The following ST18 variants were observed in gnomAD, a reference collection of about 807,000 sequenced individuals.
The protein encoded by ST18 is suppression of tumorigenicity 18 protein.
Under a neutral mutation model 110.0 loss-of-function variants are expected in ST18, and 50 were observed. The ratio of observed to expected loss-of-function variants is 0.45; its 90% confidence interval spans 0.36 to 0.58. The LOEUF is 0.58. Ranked by LOEUF, ST18 falls within the 20% of genes least tolerant of loss-of-function variation. ST18 has a pLI of 0.00. For synonymous variants in ST18, 461 were observed against 452.4 expected (o/e 1.02, Z -0.24); for missense variants, 1,306 against 1,280.1 (o/e 1.02, Z -0.31).
intron 2 of ST18, among the ~76,000 whole-genome samples, chr8:52,345,626 T>C (rs1394170838): frequency 2.0e-5 from 3 of 152,150 alleles, no homozygotes; most frequent in African/African-American, 7.2e-5. Flanking sequence ...ACCACGCCTA[T>C]AGAGGATGTG....
At chr8:52,338,920 G>A (rs909252246) in intron 2 of ST18, among the ~76,000 whole-genome samples, 31 of 151,222 alleles carry the variant, frequency 2.0e-4, no homozygotes, top group African/African-American at 7.5e-4. Flanking sequence ...AAATTTTTTT[G>A]TGCTGGGGGA....
chr8:52,298,898 T>C (rs2095673366), intron 2 of ST18, among the ~76,000 whole-genome samples: 1 of 152,224 alleles, frequency 6.6e-6, no homozygotes, highest in South Asian at 2.1e-4. Context: ...GAAATTCAGC[T>C]GTCAGTCTAA....
At chr8:52,194,470 A>G (rs2075579756) in intron 8 of ST18, 1 of 152,220 alleles carries the variant, frequency 6.6e-6, no homozygotes, top group Non-Finnish European at 1.5e-5. Context: ...TCTCTGGTGC[A>G]TAATATGAGG....
At chr8:52,118,562 A>G in intron 23 of ST18, 121 bp from the exon 24 acceptor site, 1 of 551,950 alleles carries the variant, frequency 1.8e-6, no homozygotes, top group Non-Finnish European at 3.1e-6. Flanking sequence ...TTACCAAAAC[A>G]ATGCATATCT....
chr8:52,171,711 G>GA (rs1487225269), intron 10 of ST18, 81 bp downstream of exon 10: 2 of 1,492,466 alleles, frequency 1.3e-6, no homozygotes, highest in African/African-American at 1.4e-5. Context: ...AAAGCTACCT[G>GA]AAAAAAATAA....
chr8:52,126,306 G>T lies in ST18; in HGVS notation c.2667-166C>A, dbSNP rs998508852. Among the ~76,000 whole-genome samples, 5 of 152,292 alleles carry T rather than the reference G, an allele frequency of 3.3e-5. No individual in the cohort carries two copies. The South Asian group carries it at 6.2e-4, about 19-fold the overall frequency. On this transcript the variant is annotated intron_variant, in intron 22 of 25. Coordinates refer to ENST00000689386, the MANE Select transcript of ST18 (RefSeq NM_001352837.2). Reference sequence around the variant, plus strand: ...ATGAATACATACCCATTAAAGCAAAGGCCAAAGGCCCTCAAATAATGTAAA... The same window carrying T: ...ATGAATACATACCCATTAAAGCAAATGCCAAAGGCCCTCAAATAATGTAAA...
At position 52,136,510 on chromosome 8, in the gene ST18, C is replaced by G. The variant is rs548885578; in HGVS notation, c.2300+80G>C. 251 of 1,395,674 alleles carry G rather than the reference C, an allele frequency of 1.8e-4. No homozygotes were observed. The African/African-American group carries it at 3.1e-3, about 17-fold the overall frequency. 86.5% of individuals were successfully genotyped at this position (1,395,674 alleles called of 1,614,324 possible). ...AGGACATACTGCTTGTTGCTGATCA[C>G]TTGGGCAATGAATGGGCACTGAACG... On this transcript the variant is annotated intron_variant, in intron 19 of 25. Coordinates refer to ENST00000689386, the MANE Select transcript of ST18 (RefSeq NM_001352837.2).
At chr8:52,339,171 T>C (rs1813655850) in intron 2 of ST18, among the ~76,000 whole-genome samples, 1 of 152,172 alleles carries the variant, frequency 6.6e-6, no homozygotes, top group Non-Finnish European at 1.5e-5. Flanking sequence ...CTCCTGTAGC[T>C]GTAGGACTGA....
intron 2 of ST18, among the ~76,000 whole-genome samples, chr8:52,302,138 G>A (rs544495659): frequency 2.6e-5 from 4 of 152,346 alleles, no homozygotes; most frequent in Non-Finnish European, 4.4e-5. Flanking sequence ...GTTTGGGAGC[G>A]ATGGGGTGGA....
chr8:52,115,840 C>A (rs572771409), intron 25 of ST18, among the ~76,000 whole-genome samples: 6 of 152,140 alleles, frequency 3.9e-5, no homozygotes, highest in African/African-American at 1.2e-4. Context: ...GTTCTTCATA[C>A]TTCCATATGA....
At chr8:52,399,358 A>G (rs1184716681) in intron 2 of ST18, among the ~76,000 whole-genome samples, 1 of 150,544 alleles carries the variant, frequency 6.6e-6, no homozygotes, top group Admixed American at 6.6e-5. Context: ...AGGACTATTG[A>G]TTCTGTTTAT....
chr8:52,234,222 A>G (rs1425264028), intron 2 of ST18, among the ~76,000 whole-genome samples: 1 of 152,174 alleles, frequency 6.6e-6, no homozygotes, highest in Non-Finnish European at 1.5e-5. Flanking sequence ...AATGACAACC[A>G]CTATGGAAAA....
At chr8:52,385,482 C>T (rs537932740) in intron 2 of ST18, among the ~76,000 whole-genome samples, 77 of 152,086 alleles carry the variant, frequency 5.1e-4, no homozygotes, top group African/African-American at 1.8e-3. Flanking sequence ...AGCCTGTAAT[C>T]CCAGCTACTC....
chr8:52,353,232 A>C (rs1429442153), intron 2 of ST18, among the ~76,000 whole-genome samples: 1 of 152,222 alleles, frequency 6.6e-6, no homozygotes, highest in African/African-American at 2.4e-5. Flanking sequence ...TTAATAATGT[A>C]CCTCACACTG....
At chr8:52,301,167 C>T (rs999772540) in intron 2 of ST18, among the ~76,000 whole-genome samples, 1 of 152,114 alleles carries the variant, frequency 6.6e-6, no homozygotes, top group Non-Finnish European at 1.5e-5. Flanking sequence ...TATGTTAATG[C>T]TATTACGAGC....
chr8:52,236,946 G>A (rs954148490), intron 2 of ST18, among the ~76,000 whole-genome samples: 1 of 152,140 alleles, frequency 6.6e-6, no homozygotes, highest in Admixed American at 6.5e-5. Context: ...GAGTTAGAAT[G>A]GTGACACACT....
At chr8:52,386,288 G>C (rs1201381047) in intron 2 of ST18, among the ~76,000 whole-genome samples, 5 of 152,068 alleles carry the variant, frequency 3.3e-5, no homozygotes. Flanking sequence ...GCACTAGTAT[G>C]TATAATGTAT....
chr8:52,389,325 G>A (rs188983758), intron 2 of ST18, among the ~76,000 whole-genome samples: 1 of 152,326 alleles, frequency 6.6e-6, no homozygotes, highest in African/African-American at 2.4e-5. Context: ...GTGGAGGTTT[G>A]CAGGAAAGCT....
intron 2 of ST18, among the ~76,000 whole-genome samples, chr8:52,332,572 G>T (rs1443242100): frequency 3.0e-5 from 4 of 133,584 alleles, no homozygotes; most frequent in Non-Finnish European, 6.1e-5. Context: ...TAAAATGCAG[G>T]CCGGGCACGG....
Sources: gnomAD v4.1 joint callset for allele counts (sites outside exome capture counted in the v4.1 genomes callset) on GRCh38, gnomAD v4.1.1 for gene constraint, MANE v1.5 for transcripts, NCBI Gene and HGNC (gene_info 2026-07-23, HGNC 2026-07-21) for gene names.